Variants in UGT2A2 observed in about 807,000 individuals in gnomAD.
UGT2A2 encodes UDP glucuronosyltransferase family 2 member A2.
A neutral mutation model predicts 50.7 loss-of-function variants in UGT2A2; 60 were observed. The ratio of observed to expected loss-of-function variants is 1.18; its 90% CI spans 0.96 to 1.47. The LOEUF (loss-of-function observed/expected upper bound fraction) is 1.47, where lower values mean the gene tolerates loss of function less well. Ranked by LOEUF, UGT2A2 falls within the 40% of genes most tolerant of loss-of-function variation. The pLI, the probability that UGT2A2 is intolerant of heterozygous loss-of-function variation, is 0.00. For synonymous variants in UGT2A2, 242 were observed against 214.6 expected (o/e 1.13, Z -1.11); for missense variants, 762 against 634.0 (o/e 1.20, Z -2.17).
chr4:69,596,365 A>G lies in UGT2A2; in HGVS notation c.908T>C (p.Ile303Thr). Residue 303 changes from isoleucine (I) to threonine (T), a missense_variant, in exon 3 of 6, where the codon ATC becomes ACC. Transcript: ENST00000604629. Reference sequence around the variant, plus strand: ...AACACCATTTTTACCTGAGCTCTGGATAAATTCTTCCATTTCCTGCATACA... The same window carrying G: ...AACACCATTTTTACCTGAGCTCTGGGTAAATTCTTCCATTTCCTGCATACA... Reference protein sequence around the residue: ...KPLPKEMEEFIQSSGKNGVVV... With the variant: ...KPLPKEMEEFTQSSGKNGVVV... 6.3e-7 allele frequency: 1 copy of G among 1,598,332 alleles called. No individual in the cohort carries two copies. Among genetic ancestry groups the G allele is most frequent in the Non-Finnish European group, 8.5e-7 (1 of 1,172,078 alleles).
At chr4:69,618,609 T>C (rs1171115134) in intron 1 of UGT2A2, among the ~76,000 whole-genome samples, 1 of 152,020 alleles carries the variant, frequency 6.6e-6, no homozygotes, top group Non-Finnish European at 1.5e-5. Context: ...AAAGATTGTA[T>C]ATTGACCATT....
At chr4:69,598,708 GAGT>G (rs1719077206) in intron 2 of UGT2A2, among the ~76,000 whole-genome samples, 1 of 151,830 alleles carries the variant, frequency 6.6e-6, no homozygotes, top group Admixed American at 6.6e-5. Flanking sequence ...CAACTCAAAA[GAGT>G]TTTTTTTTTA....
At chr4:69,612,648 A>G (rs1252334610) in intron 1 of UGT2A2, among the ~76,000 whole-genome samples, 1 of 152,024 alleles carries the variant, frequency 6.6e-6, no homozygotes, top group East Asian at 1.9e-4. Flanking sequence ...CTATTCAATA[A>G]ATGGTGCTGG....
intron 1 of UGT2A2, among the ~76,000 whole-genome samples, chr4:69,630,355 A>C: frequency 6.6e-6 from 1 of 151,506 alleles, no homozygotes; most frequent in African/African-American, 2.4e-5. Context: ...ACTCTTTATA[A>C]CTCCCCATTC....
chr4:69,623,585 A>G (rs1720877674), intron 1 of UGT2A2, among the ~76,000 whole-genome samples: 1 of 151,450 alleles, frequency 6.6e-6, no homozygotes, highest in Non-Finnish European at 1.5e-5. Flanking sequence ...ATAGATACAA[A>G]ATGTACAAAG....
intron 1 of UGT2A2, among the ~76,000 whole-genome samples, chr4:69,614,410 A>G (rs60598166): frequency 0.18 from 27,626 of 151,600 alleles, 2,863 homozygotes; most frequent in Non-Finnish European, 0.24. Flanking sequence ...CAAGTTACAG[A>G]TTCATTGCAA....
rs11732515 is a variant in UGT2A2, at chr4:69,595,393, G to A, written c.1024-144C>T. The A allele has an allele frequency of 4.6e-6, 4 of 865,590 alleles. No individual in the cohort carries two copies. In the East Asian group the frequency reaches 7.9e-5, roughly 17 times the overall value. The allele number at this position is 865,590 out of a possible 1,614,324, so 53.6% of individuals were successfully genotyped here. A position where few individuals can be genotyped will look rare whatever the true frequency, so the allele number is the denominator to read the frequency against. On this transcript the variant is annotated intron_variant, in intron 3 of 5. Transcript: ENST00000604629. ...TAGTTTACAAACGTTGAGATACGTA[G>A]TAGGACTGTTTATATGTACCTTTTT...
In UGT2A2 at chr4:69,592,276, A is replaced by G. The variant is rs1269227569; in HGVS notation, c.1331+2201T>C. Among the ~76,000 whole-genome samples, 3 of 152,174 alleles carry G rather than the reference A, an allele frequency of 2.0e-5. No homozygotes were observed. The East Asian group carries it at 5.8e-4, about 29-fold the overall frequency. On this transcript the variant is annotated intron_variant, in intron 5 of 5. Transcript: ENST00000604629. ...CTTCAAGCTTGGACTCTACATGAAA[A>G]CAATTAAGTCCAATACAACATAAAG...
Position 69,589,570 on chromosome 4 carries a change from G to C in UGT2A2, c.1413C>G (p.Ile471Met). The C allele has an allele frequency of 6.2e-7, 1 of 1,614,010 alleles. No individual in the cohort carries two copies. The highest frequency in any genetic ancestry group is 2.2e-5 in the East Asian group (1 of 44,882). Residue 471 changes from isoleucine to methionine, a missense_variant, in exon 6 of 6, where the codon ATC (isoleucine) becomes ATG (methionine). Physicochemically the swap from Ile to Met is conservative, Grantham distance 10 (BLOSUM62 1). Coordinates refer to ENST00000604629, the MANE Select transcript of UGT2A2 (RefSeq NM_001105677.2). The part of the protein sequence containing the change: ...VKPLDRAVFW[I>M]EFVMRHKGAK... Reference sequence around the variant, plus strand: ...CTCCTTTGTGGCGCATGACAAACTCGATCCAGAAGACTGCTCGATCCAGGG... The same window carrying C: ...CTCCTTTGTGGCGCATGACAAACTCCATCCAGAAGACTGCTCGATCCAGGG...
intron 1 of UGT2A2, among the ~76,000 whole-genome samples, chr4:69,632,885 CAA>C (rs199639033): frequency 3.6e-3 from 316 of 87,392 alleles, no homozygotes; most frequent in African/African-American, 0.01. Flanking sequence ...AAGACTCGGT[CAA>C]AAAAAAAAAA....
intron 1 of UGT2A2, among the ~76,000 whole-genome samples, chr4:69,622,211 G>T (rs929377793): frequency 1.3e-5 from 2 of 151,454 alleles, no homozygotes; most frequent in Admixed American, 6.6e-5. Flanking sequence ...ATAGCCAAGA[G>T]AAATTGAAAG....
chr4:69,607,201 G>GTACTGGTACCAAAACAGCATGT (rs1719683151), intron 1 of UGT2A2, among the ~76,000 whole-genome samples: 1 of 150,242 alleles, frequency 6.7e-6, no homozygotes, highest in Non-Finnish European at 1.5e-5. Flanking sequence ...AAACAGCATG[G>GTACTGGTACCAAAACAGCATGT]TACTGGTACC....
At chr4:69,634,402 G>C (rs187432423) in intron 1 of UGT2A2, among the ~76,000 whole-genome samples, 265 of 152,172 alleles carry the variant, frequency 1.7e-3, no homozygotes, top group African/African-American at 6.2e-3. Context: ...GGGAAGCAGG[G>C]TATGAGAATT....
intron 1 of UGT2A2, among the ~76,000 whole-genome samples, chr4:69,637,846 T>A (rs927197122): frequency 6.6e-6 from 1 of 151,486 alleles, no homozygotes; most frequent in Admixed American, 6.6e-5. Context: ...TACTTTTTTT[T>A]ACACAAAGTA....
chr4:69,637,285 A>G (rs938168178), intron 1 of UGT2A2, among the ~76,000 whole-genome samples: 7 of 152,164 alleles, frequency 4.6e-5, no homozygotes, highest in African/African-American at 1.7e-4. Context: ...CATATGTTTT[A>G]TATGTGGTAT....
intron 1 of UGT2A2, among the ~76,000 whole-genome samples, chr4:69,601,384 C>T (rs11940905): frequency 0.23 from 35,445 of 151,980 alleles, 4,342 homozygotes; most frequent in Middle Eastern, 0.31. Context: ...TGCCCTTCCC[C>T]GCCCCCCGGA....
At chr4:69,613,431 A>C (rs1247623436) in intron 1 of UGT2A2, among the ~76,000 whole-genome samples, 1 of 152,024 alleles carries the variant, frequency 6.6e-6, no homozygotes, top group Non-Finnish European at 1.5e-5. Flanking sequence ...AATTCTACTG[A>C]AACTATTCAA....
chr4:69,605,960 C>A lies in UGT2A2; in HGVS notation c.743-6566G>T, dbSNP rs545568061. On this transcript the variant is annotated intron_variant, in intron 1 of 5. Coordinates refer to ENST00000604629, the MANE Select transcript of UGT2A2 (RefSeq NM_001105677.2). Reference sequence around the variant, plus strand: ...CTTAGCAACCAAAAAAAGTCCAGGACCAGATGGATTCACAGCTGAATTCTA... The same window carrying A: ...CTTAGCAACCAAAAAAAGTCCAGGAACAGATGGATTCACAGCTGAATTCTA... Among the ~76,000 whole-genome samples the A allele has an allele frequency of 1.6e-4, 22 of 136,498 alleles. 3 individuals carry two copies. Among genetic ancestry groups the A allele is most frequent in the African/African-American group, 6.5e-4 (22 of 33,754 alleles). The allele number at this position is 136,498 out of a possible 152,430, so 89.5% of individuals were successfully genotyped here. A position where few individuals can be genotyped will look rare whatever the true frequency, so the allele number is the denominator to read the frequency against.
chr4:69,626,177 T>G (rs1416430942), intron 1 of UGT2A2, among the ~76,000 whole-genome samples: 1 of 151,430 alleles, frequency 6.6e-6, no homozygotes, highest in Non-Finnish European at 1.5e-5. Context: ...TGTTAAATAT[T>G]TGGACGCTTT....
Sources: gnomAD v4.1 joint callset for allele counts (sites outside exome capture counted in the v4.1 genomes callset) on GRCh38, gnomAD v4.1.1 for gene constraint, MANE v1.5 for transcripts, NCBI Gene and HGNC (gene_info 2026-07-23, HGNC 2026-07-21) for gene names.